Variants in KTN1 observed in about 807,000 individuals in gnomAD.
The protein encoded by KTN1 is kinectin.
Under a neutral mutation model 222.5 loss-of-function variants are expected in KTN1, and 130 were observed. The observed-to-expected ratio is 0.58, with a 90% confidence interval of 0.51 to 0.68. The LOEUF (loss-of-function observed/expected upper bound fraction) is 0.68, where lower values mean the gene tolerates loss of function less well. Ranked by LOEUF, KTN1 falls within the 30% of genes least tolerant of loss-of-function variation. KTN1 has a pLI of 0.00. For synonymous variants in KTN1, 512 were observed against 496.3 expected (o/e 1.03, Z -0.42); for missense variants, 1,508 against 1,500.4 (o/e 1.01, Z -0.08).
At chr14:55,595,292 C>G (rs189168601) in intron 1 of KTN1, among the ~76,000 whole-genome samples, 8 of 152,174 alleles carry the variant, frequency 5.3e-5, no homozygotes, top group African/African-American at 1.9e-4. Flanking sequence ...GTCACTAATA[C>G]CAAAAAAGGT....
chr14:55,641,270 G>A, intron 17 of KTN1, 62 bp downstream of exon 17: 1 of 940,312 alleles, frequency 1.1e-6, no homozygotes, highest in South Asian at 1.7e-5. Context: ...TTTCAGTTGA[G>A]TGATTCCAGA....
In KTN1 at chr14:55,641,127, T is replaced by C; in HGVS notation, c.2022T>C (p.Ser674=). 6.4e-7 allele frequency: 1 copy of C among 1,572,900 alleles called. No homozygotes were observed. Among genetic ancestry groups the C allele is most frequent in the Non-Finnish European group, 8.6e-7 (1 of 1,156,596 alleles). The change falls in exon 17 of 44, where the codon AGT becomes AGC. Residue 674 remains serine (S), a splice_region_variant and synonymous_variant. Transcript: ENST00000395314. ...AAHELEKMQQ[S]VYVKDDKIRL... ...TTAATTTTTTTTTTCACCCTCATAG[T>C]GTTTATGTTAAAGATGATAAAATAA...
chr14:55,684,122 C>G lies in KTN1; in HGVS notation c.*19C>G. ...AGAGTGAAGTAATTGGGAAACTGTT[C>G]ATTTGAGGATAAAAAAGGCATTGTA... On this transcript the variant is annotated 3_prime_UTR_variant, in exon 44 of 44. Transcript: ENST00000395314. 6.3e-7 allele frequency: 1 copy of G among 1,593,398 alleles called. No homozygotes were observed. The highest frequency in any genetic ancestry group is 8.6e-7 in the Non-Finnish European group (1 of 1,165,616).
chr14:55,581,452 T>TGTGTGTGA (rs2031612443), intron 1 of KTN1, among the ~76,000 whole-genome samples: 1 of 151,784 alleles, frequency 6.6e-6, no homozygotes, highest in African/African-American at 2.4e-5. Context: ...GGTGTGTGTG[T>TGTGTGTGA]GTGTGTGAGT....
intron 13 of KTN1, 147 bp downstream of exon 13, chr14:55,639,369 T>A: frequency 1.9e-6 from 1 of 513,946 alleles, no homozygotes; most frequent in Non-Finnish European, 3.5e-6. Flanking sequence ...TTGCTTTTTT[T>A]TTTTTTTTTT....
At chr14:55,631,149 T>C (rs1010855073) in intron 7 of KTN1, among the ~76,000 whole-genome samples, 1 of 151,938 alleles carries the variant, frequency 6.6e-6, no homozygotes, top group Non-Finnish European at 1.5e-5. Context: ...TTATTACTGC[T>C]AAAGAGGTTA....
At chr14:55,656,159 A>G in intron 29 of KTN1, 27 bp downstream of exon 29, 1 of 1,429,686 alleles carries the variant, frequency 7.0e-7, no homozygotes, top group African/African-American at 1.4e-5. Flanking sequence ...AAAATTAATT[A>G]TTTTGTAAAT....
intron 40 of KTN1, chr14:55,675,587 G>C: frequency 2.8e-6 from 1 of 352,374 alleles, no homozygotes; most frequent in Non-Finnish European, 5.1e-6. Flanking sequence ...GAATTTGATG[G>C]TTTTGTTTTT....
rs2045460124 is a variant in KTN1 at position 55,671,613 on chromosome 14, A to G, written c.3396A>G (p.Leu1132=). Residue 1132 remains leucine, a synonymous_variant, in exon 36 of 44, where the codon TTA becomes TTG. Coordinates refer to ENST00000395314, the MANE Select transcript of KTN1 (RefSeq NM_001079521.2). Reference sequence around the variant, plus strand: ...AAGCTGATGAAATGCACACATTGTTACAGCTAGAGTGTGAAAAATACAAAT... The same window carrying G: ...AAGCTGATGAAATGCACACATTGTTGCAGCTAGAGTGTGAAAAATACAAAT... ...LKEADEMHTL[L]QLECEKYKSV... The G allele has an allele frequency of 6.2e-7, 1 of 1,612,936 alleles. No individual in the cohort carries two copies.
intron 2 of KTN1, among the ~76,000 whole-genome samples, chr14:55,614,773 G>A (rs1483661879): frequency 6.6e-6 from 1 of 152,176 alleles, no homozygotes; most frequent in Admixed American, 6.5e-5. Context: ...AAGGTCTAAA[G>A]TTTTTACTAC....
chr14:55,679,009 C>G (rs771022617), intron 42 of KTN1: 1 of 155,054 alleles, frequency 6.4e-6, no homozygotes, highest in Non-Finnish European at 1.4e-5. Context: ...TGTTTGAATC[C>G]TGGCTCTGCC....
chr14:55,637,134 A>G, intron 10 of KTN1, 64 bp from the exon 11 acceptor site: 1 of 1,249,062 alleles, frequency 8.0e-7, no homozygotes, highest in East Asian at 2.5e-5. Flanking sequence ...TGCCTACACG[A>G]AAGATGAGTA....
chr14:55,605,671 AC>A (rs1347886354), intron 1 of KTN1, among the ~76,000 whole-genome samples: 1 of 152,054 alleles, frequency 6.6e-6, no homozygotes, highest in East Asian at 1.9e-4. Flanking sequence ...AAAAGCCAAG[AC>A]TCTTGCCTTC....
At chr14:55,642,433 C>A (rs1344641044) in intron 18 of KTN1, among the ~76,000 whole-genome samples, 4 of 152,080 alleles carry the variant, frequency 2.6e-5, no homozygotes, top group Non-Finnish European at 5.9e-5. Context: ...AAATTAGAGC[C>A]CAGTGGTATC....
rs190507454 is a variant in KTN1, at chr14:55,639,918, C to T, written c.1829C>T (p.Ala610Val). The T allele has an allele frequency of 6.3e-7, 1 of 1,585,344 alleles. No homozygotes were observed. Among genetic ancestry groups the T allele is most frequent in the Non-Finnish European group, 8.7e-7 (1 of 1,156,050 alleles). Residue 610 changes from alanine (A) to valine (V), a missense_variant, in exon 14 of 44, where the codon GCA becomes GTA. Coordinates refer to ENST00000395314, the MANE Select transcript of KTN1 (RefSeq NM_001079521.2). Reference protein sequence around the residue: ...VLAEELHKVIAEKDKQIKQTE... With the variant: ...VLAEELHKVIVEKDKQIKQTE... The stretch of plus-strand genomic sequence containing the variant: ...AAATGTCTTTCCTTCTAAAGGATTG[C>T]AGAAAAGGATAAGCAGATAAAACAG...
chr14:55,654,158 C>CT (rs770406803), intron 28 of KTN1, among the ~76,000 whole-genome samples: 2 of 152,140 alleles, frequency 1.3e-5, no homozygotes, highest in South Asian at 4.1e-4. Context: ...AGTCTGTTGT[C>CT]TTAAGGTACA....
chr14:55,616,747 A>T, intron 3 of KTN1, 93 bp downstream of exon 3: 1 of 1,006,074 alleles, frequency 9.9e-7, no homozygotes, highest in Non-Finnish European at 1.5e-6. Flanking sequence ...TTTAGCTCCC[A>T]GTTTAATGTG....
chr14:55,670,563 C>T lies in KTN1; in HGVS notation c.3268-166C>T, dbSNP rs116909952. Among the ~76,000 whole-genome samples the T allele has an allele frequency of 3.5e-3, 525 of 152,106 alleles. 1 individual carries two copies. Among genetic ancestry groups the T allele is most frequent in the Non-Finnish European group, 6.0e-3 (407 of 67,952 alleles). On this transcript the variant is annotated intron_variant, in intron 34 of 43. Coordinates refer to ENST00000395314, the MANE Select transcript of KTN1 (RefSeq NM_001079521.2). Reference sequence around the variant, plus strand: ...GTTTTTCAAAGTGGGTTATGTCCAACTTATGCAGTAGTTACATTCCTCTTT... The same window carrying T: ...GTTTTTCAAAGTGGGTTATGTCCAATTTATGCAGTAGTTACATTCCTCTTT...
At chr14:55,590,087 T>C (rs2033845716) in intron 1 of KTN1, among the ~76,000 whole-genome samples, 1 of 152,220 alleles carries the variant, frequency 6.6e-6, no homozygotes, top group African/African-American at 2.4e-5. Flanking sequence ...AGGACTTTTC[T>C]TTTTGGGGAA....
Sources: gnomAD v4.1 joint callset for allele counts (sites outside exome capture counted in the v4.1 genomes callset) on GRCh38, gnomAD v4.1.1 for gene constraint, MANE v1.5 for transcripts, NCBI Gene and HGNC (gene_info 2026-07-23, HGNC 2026-07-21) for gene names.